The following ERC1 variants were observed in gnomAD, a reference collection of about 807,000 sequenced individuals.
ERC1 encodes the protein ELKS/RAB6-interacting/CAST family member 1, also known as RAB6 interacting protein 2.
ERC1 carries 56 observed loss-of-function variants against 132.0 expected under a neutral mutation model. The observed-to-expected ratio is 0.42, with a 90% CI of 0.34 to 0.53. The LOEUF (loss-of-function observed/expected upper bound fraction) is 0.53. Ranked by LOEUF, ERC1 falls within the 20% of genes least tolerant of loss-of-function variation. The pLI is 0.03. For missense variants in ERC1, 1,202 were observed against 1,349.9 expected, an observed-to-expected ratio of 0.89 and a Z score of 1.72; for synonymous variants, 478 against 476.1, an observed-to-expected ratio of 1.00 and a Z score of -0.05.
chr12:1,283,387 G>A (rs1313089370), intron 14 of ERC1, among the ~76,000 whole-genome samples: 2 of 152,004 alleles, frequency 1.3e-5, no homozygotes, highest in African/African-American at 2.4e-5. Context: ...TCTACTCATC[G>A]GTCTTTACCC....
chr12:1,356,048 C>A (rs7955535), intron 15 of ERC1, among the ~76,000 whole-genome samples: 16,874 of 151,746 alleles, frequency 0.11, 2,299 homozygotes, highest in African/African-American at 0.32. Flanking sequence ...TCTACACACA[C>A]AAAAAATTAG....
chr12:1,247,364 A>T lies in ERC1; in HGVS notation c.2487+10460A>T, dbSNP rs148112210. 9.8e-5 allele frequency among the ~76,000 whole-genome samples: 15 copies of T among 152,346 alleles called. No homozygotes were observed. In the East Asian group the frequency reaches 2.9e-3, roughly 29 times the overall value. On this transcript the variant is annotated intron_variant, in intron 13 of 18. Transcript: ENST00000360905. ...TACCAGTGTTAATTTCCCAGTTTTG[A>T]TCATCTTACTATGGTTATGTAAACC...
At chr12:1,014,924 T>A (rs1965278281) in intron 1 of ERC1, among the ~76,000 whole-genome samples, 1 of 151,800 alleles carries the variant, frequency 6.6e-6, no homozygotes, top group Non-Finnish European at 1.5e-5. Context: ...CCACCATGCC[T>A]GGCTAATTTT....
intron 11 of ERC1, 72 bp downstream of exon 11, chr12:1,183,493 A>G (rs1446043735): frequency 4.0e-6 from 4 of 999,570 alleles, no homozygotes; most frequent in Non-Finnish European, 5.6e-6. Context: ...TAGCATGTTT[A>G]TATGGAATAA....
intron 15 of ERC1, among the ~76,000 whole-genome samples, chr12:1,313,121 A>G (rs1258450152): frequency 1.3e-5 from 2 of 152,028 alleles, no homozygotes; most frequent in East Asian, 1.9e-4. Flanking sequence ...CTTTTCCGCT[A>G]TCCTTAGTAT....
chr12:1,084,340 T>C (rs1009361753), intron 3 of ERC1, among the ~76,000 whole-genome samples: 27 of 152,200 alleles, frequency 1.8e-4, no homozygotes, highest in Admixed American at 1.8e-3. Flanking sequence ...TCTGTGTTAG[T>C]ATGAGTCTGA....
intron 13 of ERC1, among the ~76,000 whole-genome samples, chr12:1,239,759 G>A (rs1164417011): frequency 6.6e-6 from 1 of 152,134 alleles, no homozygotes; most frequent in African/African-American, 2.4e-5. Context: ...AGGAATTCTT[G>A]GAGAAGTTAC....
intron 13 of ERC1, among the ~76,000 whole-genome samples, chr12:1,260,354 G>T (rs2077065466): frequency 6.6e-6 from 1 of 152,146 alleles, no homozygotes. Context: ...AAGTTTTCAA[G>T]ATGTTTTCTT....
At chr12:1,148,200 T>A (rs1950545043) in intron 8 of ERC1, among the ~76,000 whole-genome samples, 1 of 152,190 alleles carries the variant, frequency 6.6e-6, no homozygotes, top group African/African-American at 2.4e-5. Context: ...TTTGTATTAG[T>A]CCATTTTCAC....
intron 17 of ERC1, chr12:1,410,475 C>G (rs2091778965): frequency 8.3e-7 from 1 of 1,208,154 alleles, no homozygotes; most frequent in Admixed American, 2.4e-5. Context: ...CTTTCCTTAA[C>G]TATAGAAATG....
At chr12:1,354,609 T>C (rs2085347782) in intron 15 of ERC1, among the ~76,000 whole-genome samples, 1 of 152,186 alleles carries the variant, frequency 6.6e-6, no homozygotes, top group African/African-American at 2.4e-5. Flanking sequence ...TAGTGAGTGT[T>C]TACCCAGTTC....
intron 13 of ERC1, among the ~76,000 whole-genome samples, chr12:1,256,694 T>A (rs2076841547): frequency 6.6e-6 from 1 of 150,968 alleles, no homozygotes; most frequent in Non-Finnish European, 1.5e-5. Flanking sequence ...GAATAATTCC[T>A]GACATAATGC....
chr12:1,333,108 CCCT>C (rs1317171952), intron 15 of ERC1, among the ~76,000 whole-genome samples: 1 of 132,900 alleles, frequency 7.5e-6, no homozygotes, highest in South Asian at 2.5e-4. Flanking sequence ...CTCTCACCCC[CCCT>C]CCTCCATTAG....
chr12:1,414,119 G>A (rs1312092716), intron 17 of ERC1, among the ~76,000 whole-genome samples: 1 of 152,170 alleles, frequency 6.6e-6, no homozygotes, highest in Non-Finnish European at 1.5e-5. Flanking sequence ...TGTAATGCTC[G>A]CTTGCCCGCC....
chr12:1,110,582 C>T (rs557428608), intron 5 of ERC1, among the ~76,000 whole-genome samples: 303 of 152,310 alleles, frequency 2.0e-3, no homozygotes, highest in Non-Finnish European at 3.4e-3. Flanking sequence ...TATGAGGCTA[C>T]ATATGTATTG....
At chr12:1,376,742 C>T (rs913873052) in intron 16 of ERC1, among the ~76,000 whole-genome samples, 2 of 152,186 alleles carry the variant, frequency 1.3e-5, no homozygotes, top group African/African-American at 4.8e-5. Flanking sequence ...TAGAATAATA[C>T]AAACAATGCT....
intron 2 of ERC1, among the ~76,000 whole-genome samples, chr12:1,046,367 A>G (rs922476217): frequency 2.0e-5 from 3 of 152,246 alleles, no homozygotes; most frequent in Non-Finnish European, 4.4e-5. Context: ...CAGGAGTTGT[A>G]CATCCTATAA....
chr12:1,331,467 T>G (rs2082855500), intron 15 of ERC1, among the ~76,000 whole-genome samples: 1 of 152,178 alleles, frequency 6.6e-6, no homozygotes, highest in Non-Finnish European at 1.5e-5. Context: ...CTCTTACAGA[T>G]AGTGGTACCA....
At chr12:1,245,963 T>G (rs1181520178) in intron 13 of ERC1, among the ~76,000 whole-genome samples, 2 of 152,046 alleles carry the variant, frequency 1.3e-5, no homozygotes, top group Non-Finnish European at 2.9e-5. Context: ...AGAGACTGAG[T>G]CTTAACTATG....
Sources: allele counts gnomAD v4.1 joint callset (sites outside exome capture counted in the v4.1 genomes callset), GRCh38; gene constraint gnomAD v4.1.1; transcripts MANE v1.5; gene names NCBI Gene and HGNC (gene_info 2026-07-23, HGNC 2026-07-21).